Variants in OR3A3 observed in about 807,000 individuals in gnomAD.
The protein encoded by OR3A3 is olfactory receptor family 3 subfamily A member 3, also known as olfactory receptor 3A3.
For missense variants in OR3A3, 275 were observed against 391.4 expected (o/e 0.70, Z 2.51); for synonymous variants, 103 against 163.9 (o/e 0.63, Z 2.84).
intron 2 of OR3A3, among the ~76,000 whole-genome samples, chr17:3,418,409 A>G (rs771156993): frequency 8.5e-5 from 13 of 152,174 alleles, no homozygotes; most frequent in Non-Finnish European, 1.6e-4. Flanking sequence ...GCTGACACAC[A>G]GCTGAGGAAC....
chr17:3,422,780 G>C (rs2072443954), exon 3 of OR3A3: 1 of 152,648 alleles, frequency 6.6e-6, no homozygotes, highest in African/African-American at 2.4e-5. Context: ...TTTCCTCTTG[G>C]GGTTGACTGG....
At chr17:3,423,611 C>T (rs774041101) in exon 3 of OR3A3, 6 of 152,098 alleles carry the variant, frequency 3.9e-5, no homozygotes, top group Non-Finnish European at 8.8e-5. Context: ...TTCACCTCGC[C>T]AAAAACCTCA....
At chr17:3,419,916 C>T (rs761710704) in intron 2 of OR3A3, among the ~76,000 whole-genome samples, 2 of 151,920 alleles carry the variant, frequency 1.3e-5, no homozygotes, top group Non-Finnish European at 2.9e-5. Context: ...CAGGCGCCTG[C>T]CACCAAGCCC....
At chr17:3,420,728 T>C in exon 3 of OR3A3, 1 of 1,446,682 alleles carries the variant, frequency 6.9e-7, no homozygotes, top group Non-Finnish European at 9.4e-7. Context: ...AACCTCAGCA[T>C]CCTGGCAGCC....
exon 3 of OR3A3, chr17:3,421,357 G>C: frequency 4.3e-6 from 7 of 1,614,166 alleles, no homozygotes; most frequent in Non-Finnish European, 5.9e-6. Context: ...CTATGGGACA[G>C]GTGTCTTCAG....
chr17:3,413,056 A>T (rs1567582634), intron 2 of OR3A3, among the ~76,000 whole-genome samples: 1 of 152,238 alleles, frequency 6.6e-6, no homozygotes, highest in Admixed American at 6.5e-5. Context: ...ACTGCTATTG[A>T]AAAGACTGAA....
rs2072364726 is a variant in OR3A3, at chr17:3,411,958, C to G, written c.-200-20C>G. 1 of 151,794 alleles carries G rather than the reference C, an allele frequency of 6.6e-6. No homozygotes were observed. Among genetic ancestry groups the G allele is most frequent in the African/African-American group, 2.4e-5 (1 of 41,328 alleles). 9.4% of individuals were successfully genotyped at this position (151,794 alleles called of 1,614,324 possible). On this transcript the variant is annotated intron_variant, in intron 1 of 2. Transcript: ENST00000641141. ...GTGTCTCCTTTTCCGTGTCTCTCCC[C>G]CCATCCTTCTCTCTCCTAGGAGAGC...
chr17:3,419,786 T>A (rs1213375629), intron 2 of OR3A3, among the ~76,000 whole-genome samples: 1 of 140,516 alleles, frequency 7.1e-6, no homozygotes, highest in Non-Finnish European at 1.5e-5. Flanking sequence ...CAGGCTGGAG[T>A]GCAGTGGCGC....
At chr17:3,413,234 CAGAG>C (rs1334728080) in intron 2 of OR3A3, among the ~76,000 whole-genome samples, 1 of 152,042 alleles carries the variant, frequency 6.6e-6, no homozygotes, top group Non-Finnish European at 1.5e-5. Flanking sequence ...AAGAGAGAAA[CAGAG>C]AGACAGGCAG....
exon 3 of OR3A3, chr17:3,421,441 C>G (rs774633081): frequency 6.2e-7 from 1 of 1,604,528 alleles, no homozygotes; most frequent in African/African-American, 1.3e-5. Context: ...TGTGATCAAC[C>G]CCATGCTGAA....
intron 2 of OR3A3, among the ~76,000 whole-genome samples, chr17:3,414,710 C>T (rs1408416574): frequency 1.3e-5 from 2 of 152,034 alleles, no homozygotes; most frequent in Non-Finnish European, 2.9e-5. Context: ...TAGCTCATCA[C>T]CAGAAATGGA....
chr17:3,417,206 A>AT (rs1332134911), intron 2 of OR3A3, among the ~76,000 whole-genome samples: 1 of 151,882 alleles, frequency 6.6e-6, no homozygotes. Flanking sequence ...CTATTTTCTA[A>AT]TTTTTTACTA....
At chr17:3,412,530 G>C (rs1380680823) in intron 2 of OR3A3, among the ~76,000 whole-genome samples, 15 of 148,240 alleles carry the variant, frequency 1.0e-4, no homozygotes, top group African/African-American at 3.2e-4. Flanking sequence ...AGCTGTCACA[G>C]CTCGTAAGGG....
exon 3 of OR3A3, chr17:3,420,800 T>G: frequency 7.6e-7 from 1 of 1,321,792 alleles, no homozygotes; most frequent in Non-Finnish European, 1.1e-6. Flanking sequence ...CTGTCAGTGC[T>G]GGATGTCGGA....
chr17:3,421,335 G>A, exon 3 of OR3A3: 2 of 1,614,208 alleles, frequency 1.2e-6, no homozygotes, highest in Non-Finnish European at 1.7e-6. Context: ...ACCTCACTGT[G>A]GTGGGCATCT....
Sources: allele counts gnomAD v4.1 joint callset (sites outside exome capture counted in the v4.1 genomes callset), GRCh38; gene constraint gnomAD v4.1.1; transcripts MANE v1.5; gene names NCBI Gene and HGNC (gene_info 2026-07-23, HGNC 2026-07-21).